GABRB2: variants seen among roughly 807,000 people sequenced by gnomAD.
GABRB2 encodes the protein gamma-aminobutyric acid type A receptor subunit beta2.
A neutral mutation model predicts 54.7 loss-of-function variants in GABRB2; 16 were observed. That is an observed-to-expected ratio of 0.29 (90% CI 0.20 to 0.44). The LOEUF (loss-of-function observed/expected upper bound fraction) is 0.44, where lower values mean the gene tolerates loss of function less well. Ranked by LOEUF, GABRB2 falls within the 20% of genes least tolerant of loss-of-function variation. GABRB2 has a pLI of 1.00. For missense variants in GABRB2, 355 were observed against 644.0 expected, an observed-to-expected ratio of 0.55 and a Z score of 4.86; for synonymous variants, 244 against 233.8, an observed-to-expected ratio of 1.04 and a Z score of -0.40.
At chr5:161,481,789 G>C (rs941199300) in intron 3 of GABRB2, among the ~76,000 whole-genome samples, 12 of 151,922 alleles carry the variant, frequency 7.9e-5, no homozygotes, top group Non-Finnish European at 1.3e-4. Context: ...TGCTTTCAGG[G>C]CTTAATAAAA....
chr5:161,457,217 G>C (rs1274888946), intron 4 of GABRB2, among the ~76,000 whole-genome samples: 2 of 152,118 alleles, frequency 1.3e-5, no homozygotes, highest in Non-Finnish European at 2.9e-5. Flanking sequence ...TTAATTCTAT[G>C]TATGTTAGAT....
chr5:161,378,594 T>A (rs926831268), intron 5 of GABRB2, among the ~76,000 whole-genome samples: 2 of 152,178 alleles, frequency 1.3e-5, no homozygotes, highest in African/African-American at 2.4e-5. Flanking sequence ...GCCTTGGTGA[T>A]GTATTTACCA....
At chr5:161,335,203 C>T (rs2113405673) in intron 6 of GABRB2, among the ~76,000 whole-genome samples, 1 of 152,134 alleles carries the variant, frequency 6.6e-6, no homozygotes, top group Non-Finnish European at 1.5e-5. Context: ...TGGGACAGTT[C>T]TTTTTTTCAT....
At chr5:161,481,111 T>A (rs1758749335) in intron 3 of GABRB2, among the ~76,000 whole-genome samples, 1 of 152,066 alleles carries the variant, frequency 6.6e-6, no homozygotes, top group South Asian at 2.1e-4. Flanking sequence ...ATGTATCAAG[T>A]GCCTTGCCAA....
intron 3 of GABRB2, among the ~76,000 whole-genome samples, chr5:161,537,729 T>C (rs1760685691): frequency 6.6e-6 from 1 of 152,154 alleles, no homozygotes; most frequent in African/African-American, 2.4e-5. Flanking sequence ...TTCATGCAAT[T>C]CTATTGACAC....
At position 161,309,921 on chromosome 5, in the gene GABRB2, G is replaced by A. The variant is rs554618131; in HGVS notation, c.1192-15493C>T. On this transcript the variant is annotated intron_variant, in intron 9 of 9. Transcript: ENST00000393959. ...GCTGGGATTACAGGCTTGAGCCACCGCGCCTGGCCCTAAATTTTTTAAAAA... is the reference window on the plus strand; with the variant it reads ...GCTGGGATTACAGGCTTGAGCCACCACGCCTGGCCCTAAATTTTTTAAAAA... Among the ~76,000 whole-genome samples the A allele has an allele frequency of 5.9e-5, 9 of 152,142 alleles. No individual in the cohort carries two copies. In the South Asian group the frequency reaches 6.2e-4, roughly 11 times the overall value.
intron 3 of GABRB2, among the ~76,000 whole-genome samples, chr5:161,504,294 G>A (rs745623664): frequency 1.5e-4 from 23 of 152,148 alleles, no homozygotes; most frequent in Non-Finnish European, 2.9e-4. Context: ...AATAAACCAT[G>A]TGCAAGGATA....
chr5:161,517,332 G>GT (rs1395093835), intron 3 of GABRB2, among the ~76,000 whole-genome samples: 2 of 152,120 alleles, frequency 1.3e-5, no homozygotes, highest in African/African-American at 4.8e-5. Flanking sequence ...TCAGATTTGA[G>GT]TTTTTCTCCA....
chr5:161,483,081 A>G (rs533004538), intron 3 of GABRB2, among the ~76,000 whole-genome samples: 30 of 152,158 alleles, frequency 2.0e-4, no homozygotes, highest in Non-Finnish European at 3.5e-4. Context: ...TCCTACAGCA[A>G]AGAAATTTCT....
intron 4 of GABRB2, among the ~76,000 whole-genome samples, chr5:161,452,702 T>C (rs79919014): frequency 4.1e-4 from 63 of 152,284 alleles, no homozygotes; most frequent in Admixed American, 1.6e-3. Context: ...ATTTTTTTTT[T>C]TTAATTGTAG....
chr5:161,305,305 C>G (rs1486290742), intron 9 of GABRB2, among the ~76,000 whole-genome samples: 1 of 152,088 alleles, frequency 6.6e-6, no homozygotes, highest in African/African-American at 2.4e-5. Flanking sequence ...CGTGAGCCAC[C>G]ACGCCCGGCC....
chr5:161,482,585 T>C (rs1293831218), intron 3 of GABRB2, among the ~76,000 whole-genome samples: 1 of 152,066 alleles, frequency 6.6e-6, no homozygotes, highest in Admixed American at 6.6e-5. Context: ...ATCCACAACT[T>C]CTAGTTTAAA....
intron 5 of GABRB2, among the ~76,000 whole-genome samples, chr5:161,389,299 G>A (rs1755743979): frequency 6.6e-6 from 1 of 151,894 alleles, no homozygotes; most frequent in Non-Finnish European, 1.5e-5. Context: ...ATCTTAGCTT[G>A]TTTACCCCGT....
intron 6 of GABRB2, among the ~76,000 whole-genome samples, chr5:161,335,677 G>A (rs149588706): frequency 2.0e-5 from 3 of 152,258 alleles, no homozygotes; most frequent in African/African-American, 7.2e-5. Context: ...TTTTTGGAGG[G>A]CTAGGCTAAG....
chr5:161,440,514 G>A (rs572882875), intron 4 of GABRB2, among the ~76,000 whole-genome samples: 5 of 152,134 alleles, frequency 3.3e-5, no homozygotes, highest in African/African-American at 1.2e-4. Flanking sequence ...ATGATAAAAG[G>A]TCAATTTAGC....
At chr5:161,506,116 C>A (rs1480954003) in intron 3 of GABRB2, among the ~76,000 whole-genome samples, 1 of 151,996 alleles carries the variant, frequency 6.6e-6, no homozygotes, top group African/African-American at 2.4e-5. Context: ...AGAAAGCTCA[C>A]AGACTGTAAG....
At chr5:161,423,024 G>A (rs1322687168) in intron 4 of GABRB2, among the ~76,000 whole-genome samples, 1 of 152,042 alleles carries the variant, frequency 6.6e-6, no homozygotes, top group Non-Finnish European at 1.5e-5. Context: ...CTCTGAAAGG[G>A]AACTATTCCA....
chr5:161,468,513 G>A (rs1417049731), intron 3 of GABRB2, among the ~76,000 whole-genome samples: 1 of 152,020 alleles, frequency 6.6e-6, no homozygotes, highest in Admixed American at 6.6e-5. Flanking sequence ...CCTCCTTGGT[G>A]GGGTTTTCCC....
intron 3 of GABRB2, among the ~76,000 whole-genome samples, chr5:161,532,284 A>G (rs116693565): frequency 9.1e-4 from 139 of 152,174 alleles, no homozygotes; most frequent in Non-Finnish European, 1.6e-3. Flanking sequence ...GTGTGTCTGT[A>G]TTACCCACTC....
Sources: allele counts gnomAD v4.1 joint callset (sites outside exome capture counted in the v4.1 genomes callset), GRCh38; gene constraint gnomAD v4.1.1; transcripts MANE v1.5; gene names NCBI Gene and HGNC (gene_info 2026-07-23, HGNC 2026-07-21).